Variants in DNMT3A observed in about 807,000 individuals in gnomAD.
DNMT3A encodes the protein DNA methyltransferase 3 alpha.
A neutral mutation model predicts 117.6 loss-of-function variants in DNMT3A; 267 were observed. The observed-to-expected ratio is 2.27, with a 90% CI of 2.05 to 2.51. The LOEUF is 2.51. Among genes scored for constraint, DNMT3A ranks in the 30% most tolerant of loss-of-function variants. DNMT3A has a pLI of 0.00. For missense variants in DNMT3A, 1,029 were observed against 1,260.2 expected (o/e 0.82, Z 2.78); for synonymous variants, 432 against 474.8 (o/e 0.91, Z 1.17).
rs1220450373 is a variant in DNMT3A at position 25,282,401 on chromosome 2, G to T, written c.448+40C>A. ...AGTCCCTGACTCTCAGGGTATGCTG[G>T]TGGGCCCAGAAGAGGCTGCCCCTGG... On this transcript the variant is annotated intron_variant, in intron 4 of 22. Transcript: ENST00000321117. The surrounding 1 kb of genome is among the most constrained non-coding windows in gnomAD (Gnocchi z 5.2). The T allele has an allele frequency of 4.8e-5, 76 of 1,597,986 alleles. No homozygotes were observed. The highest frequency in any genetic ancestry group is 5.9e-5 in the Non-Finnish European group (69 of 1,172,622).
chr2:25,258,450 G>T (rs181743241), intron 6 of DNMT3A, among the ~76,000 whole-genome samples: 73 of 152,298 alleles, frequency 4.8e-4, no homozygotes, highest in Non-Finnish European at 3.1e-4. Context: ...CCTAAACACC[G>T]GATCAGGTCA....
chr2:25,248,559 T>TA (rs982729600), intron 6 of DNMT3A, among the ~76,000 whole-genome samples: 4 of 151,992 alleles, frequency 2.6e-5, no homozygotes, highest in Non-Finnish European at 5.9e-5. Context: ...TTATTTATTT[T>TA]TTTTTTTGGA....
intron 6 of DNMT3A, chr2:25,249,782 G>C: frequency 3.1e-6 from 5 of 1,589,372 alleles, no homozygotes; most frequent in Non-Finnish European, 3.5e-6. Flanking sequence ...GCCTTTTACT[G>C]AATCTAGGAA....
intron 6 of DNMT3A, among the ~76,000 whole-genome samples, chr2:25,266,776 A>G (rs1391464461): frequency 6.6e-6 from 1 of 152,264 alleles, no homozygotes; most frequent in Non-Finnish European, 1.5e-5. Flanking sequence ...CCATTTGACT[A>G]GCAAAATATT....
At chr2:25,297,672 G>A (rs776855357) in intron 3 of DNMT3A, among the ~76,000 whole-genome samples, 6 of 152,182 alleles carry the variant, frequency 3.9e-5, no homozygotes, top group African/African-American at 9.6e-5. Context: ...CATCATGCCC[G>A]GCTAATTTTT....
intron 4 of DNMT3A, among the ~76,000 whole-genome samples, chr2:25,277,468 C>T (rs1232500165): frequency 6.6e-6 from 1 of 152,076 alleles, no homozygotes; most frequent in Non-Finnish European, 1.5e-5. Flanking sequence ...GACCCTGACG[C>T]GGCGGGGCTC....
Position 25,282,140 on chromosome 2 carries a change from G to C in DNMT3A, c.448+301C>G. 1.7e-6 allele frequency: 2 copies of C among 1,156,834 alleles called. No individual in the cohort carries two copies. The highest frequency in any genetic ancestry group is 3.2e-5 in the African/African-American group (2 of 61,732). The allele number at this position is 1,156,834 out of a possible 1,614,324, so 71.7% of individuals were successfully genotyped here. A position where few individuals can be genotyped will look rare whatever the true frequency, so the allele number is the denominator to read the frequency against. Reference sequence around the variant, plus strand: ...ATCGTTGGCGTTATGAAAGCCCGCTGTTGCCAGATCTAGCTTTTTTTTTTT... The same window carrying C: ...ATCGTTGGCGTTATGAAAGCCCGCTCTTGCCAGATCTAGCTTTTTTTTTTT... On this transcript the variant is annotated intron_variant, in intron 4 of 22. Coordinates refer to ENST00000321117, the MANE Select transcript of DNMT3A (RefSeq NM_022552.5). This position sits in a 1 kb window ranked among gnomAD's most constrained non-coding sequence, Gnocchi z 5.2.
rs768946915 is a variant in DNMT3A, at chr2:25,235,831, T to C, written c.2479-6A>G. ...ATGGTCCTCACTTTGCTGAACTAGA[T>C]GAAGAGGAGAAAAGAGGAATAAGCA... On this transcript the variant is annotated splice_polypyrimidine_tract_variant and splice_region_variant and intron_variant, in intron 21 of 22. Coordinates refer to ENST00000321117, the MANE Select transcript of DNMT3A (RefSeq NM_022552.5). The C allele has an allele frequency of 3.4e-5, 54 of 1,611,082 alleles. No homozygotes were observed. Among genetic ancestry groups the C allele is most frequent in the Non-Finnish European group, 8.5e-7 (1 of 1,177,476 alleles).
chr2:25,244,548 G>A lies in DNMT3A; in HGVS notation c.1659C>T (p.Asn553=). The A allele has an allele frequency of 2.5e-6, 4 of 1,614,196 alleles. No individual in the cohort carries two copies. The highest frequency in any genetic ancestry group is 3.4e-6 in the Non-Finnish European group (4 of 1,180,012). ...GREVLMCGNN[N]CCRCFCVECV... ...GGCCACAACAGCCTCACCTGCAGCA[G>A]TTGTTGTTTCCGCACATGAGCACCT... The change falls in exon 14 of 23, where the codon AAC becomes AAT. Residue 553 remains asparagine, a synonymous_variant. Transcript: ENST00000321117.
At chr2:25,245,906 G>A (rs1001473307) in intron 12 of DNMT3A, 114 bp downstream of exon 12, 27 of 1,299,336 alleles carry the variant, frequency 2.1e-5, no homozygotes, top group Non-Finnish European at 3.0e-5. Flanking sequence ...TGAAGGTGGT[G>A]TGACACGCAG....
At chr2:25,264,592 C>T (rs11890077) in intron 6 of DNMT3A, among the ~76,000 whole-genome samples, 13 of 151,410 alleles carry the variant, frequency 8.6e-5, no homozygotes, top group African/African-American at 2.4e-4. Flanking sequence ...CTCAGCCTCC[C>T]GAGTAGCTGG....
At chr2:25,325,168 T>G (rs1191421047) in intron 1 of DNMT3A, among the ~76,000 whole-genome samples, 1 of 152,060 alleles carries the variant, frequency 6.6e-6, no homozygotes, top group Non-Finnish European at 1.5e-5. Context: ...CTAAAATAGA[T>G]GCTGTTAAGG....
Position 25,305,790 on chromosome 2 carries a change from T to C in DNMT3A, c.73-5547A>G, listed in dbSNP as rs886950777. 2.6e-5 allele frequency among the ~76,000 whole-genome samples: 4 copies of C among 152,232 alleles called. No homozygotes were observed. The East Asian group carries it at 7.7e-4, about 29-fold the overall frequency. ...ATTCACAGGCACAGACACTCTGGGC[T>C]GGCTGTGCCCAGACACAGGACCCCT... On this transcript the variant is annotated intron_variant, in intron 2 of 22. Transcript: ENST00000321117. This position sits in a 1 kb window ranked among gnomAD's most constrained non-coding sequence, Gnocchi z 4.1.
Position 25,298,070 on chromosome 2 carries a change from C to T in DNMT3A, c.177+2069G>A, listed in dbSNP as rs1249968536. Among the ~76,000 whole-genome samples, 1 of 152,266 alleles carries T rather than the reference C, an allele frequency of 6.6e-6. No individual in the cohort carries two copies. Among genetic ancestry groups the T allele is most frequent in the African/African-American group, 2.4e-5 (1 of 41,472 alleles). Reference sequence around the variant, plus strand: ...TTGCTGAGGCTCCTTGGTGCTTGCACCATTTCGTTCTCACAGGGGCAAGGA... The same window carrying T: ...TTGCTGAGGCTCCTTGGTGCTTGCATCATTTCGTTCTCACAGGGGCAAGGA... On this transcript the variant is annotated intron_variant, in intron 3 of 22. Coordinates refer to ENST00000321117, the MANE Select transcript of DNMT3A (RefSeq NM_022552.5). This position sits in a 1 kb window ranked among gnomAD's most constrained non-coding sequence, Gnocchi z 4.3.
At chr2:25,261,623 CATAA>C (rs1676622996) in intron 6 of DNMT3A, among the ~76,000 whole-genome samples, 1 of 143,620 alleles carries the variant, frequency 7.0e-6, no homozygotes, top group Non-Finnish European at 1.5e-5. Context: ...AAAAAAAAAC[CATAA>C]ATAAATAAAA....
chr2:25,235,717 C>A lies in DNMT3A; in HGVS notation c.2587G>T (p.Glu863Ter). Residue 863 changes from glutamate to a stop codon, truncating the protein, a stop_gained, in exon 22 of 23, where the codon GAA (glutamate) becomes TAA (stop). Coordinates refer to ENST00000321117, the MANE Select transcript of DNMT3A (RefSeq NM_022552.5). LOFTEE classifies it high-confidence loss of function. ...GCACAACCCGGGTACCTTTCCATTT[C>A]AGTGCACCATAAGATGTCCTCTTTC... The part of the protein sequence containing the change: ...NEKEDILWCT[E>*]MERVFGFPVH... 1 of 1,613,838 alleles carries A rather than the reference C, an allele frequency of 6.2e-7. No individual in the cohort carries two copies. Among genetic ancestry groups the A allele is most frequent in the Non-Finnish European group, 8.5e-7 (1 of 1,179,744 alleles).
At chr2:25,297,539 C>A (rs1247335180) in intron 3 of DNMT3A, among the ~76,000 whole-genome samples, 2 of 141,478 alleles carry the variant, frequency 1.4e-5, no homozygotes, top group African/African-American at 5.4e-5. Flanking sequence ...GAGACAGAGT[C>A]TCGCTCTGTT....
At chr2:25,274,729 C>T (rs1329523135) in intron 6 of DNMT3A, among the ~76,000 whole-genome samples, 1 of 152,222 alleles carries the variant, frequency 6.6e-6, no homozygotes, top group East Asian at 1.9e-4. Context: ...GAGCAGGAAC[C>T]GTATACGCCC....
chr2:25,336,898 A>G (rs2035237282), intron 1 of DNMT3A, among the ~76,000 whole-genome samples: 1 of 151,952 alleles, frequency 6.6e-6, no homozygotes, highest in African/African-American at 2.4e-5. Flanking sequence ...TTCCCTGATG[A>G]CCTTAGTTGG....
Sources: allele counts gnomAD v4.1 joint callset (sites outside exome capture counted in the v4.1 genomes callset), GRCh38; gene constraint gnomAD v4.1.1; non-coding constraint Gnocchi (gnomAD v3.1); transcripts MANE v1.5; gene names NCBI Gene and HGNC (gene_info 2026-07-23, HGNC 2026-07-21).